Variants in COL5A2 observed in about 807,000 individuals in gnomAD.
COL5A2 encodes collagen type V alpha 2 chain, also known as collagen alpha-2(V) chain.
Under a neutral mutation model 208.2 loss-of-function variants are expected in COL5A2, and 23 were observed. That is an observed-to-expected ratio of 0.11 (90% confidence interval 0.08 to 0.16). COL5A2 has a LOEUF of 0.16. Ranked by LOEUF, COL5A2 falls within the 10% of genes least tolerant of loss-of-function variation. The pLI is 1.00. For synonymous variants in COL5A2, 625 were observed against 628.5 expected (o/e 0.99, Z 0.08); for missense variants, 1,590 against 1,956.4 (o/e 0.81, Z 3.53).
intron 7 of COL5A2, among the ~76,000 whole-genome samples, chr2:189,090,754 A>G (rs1007032822): frequency 2.6e-5 from 4 of 152,216 alleles, no homozygotes; most frequent in African/African-American, 7.2e-5. Flanking sequence ...GGCCTGGATA[A>G]CAGCACATCT....
At chr2:189,188,994 T>G (rs961512260) in intron 1 of COL5A2, among the ~76,000 whole-genome samples, 3 of 152,210 alleles carry the variant, frequency 2.0e-5, no homozygotes, top group African/African-American at 4.8e-5. Flanking sequence ...TTAATTCTGT[T>G]TTGCAGATTT....
At chr2:189,329,084 C>T in the COL5A2 span, among the ~76,000 whole-genome samples, 3 of 151,974 alleles carry the variant, frequency 2.0e-5, no homozygotes, top group African/African-American at 4.8e-5. Context: ...AAGTTTCCAT[C>T]GATGGGGAAG....
At chr2:189,058,756 T>C (rs1469370826) in intron 32 of COL5A2, 93 bp downstream of exon 32, 1 of 1,206,796 alleles carries the variant, frequency 8.3e-7, no homozygotes, top group Non-Finnish European at 1.2e-6. Flanking sequence ...AATTTATAGG[T>C]TAAAATAAAT....
intron 1 of COL5A2, among the ~76,000 whole-genome samples, chr2:189,209,058 T>C (rs777429282): frequency 4.6e-5 from 7 of 151,948 alleles, no homozygotes; most frequent in Non-Finnish European, 7.4e-5. Flanking sequence ...TTCATGGGGG[T>C]CTTTATTTTA....
chr2:189,439,209 A>G, the COL5A2 span, among the ~76,000 whole-genome samples: 1 of 152,222 alleles, frequency 6.6e-6, no homozygotes, highest in African/African-American at 2.4e-5. Context: ...CAAAAGTATA[A>G]TAAGTTTTTG....
rs1199481029 is a variant in COL5A2, at chr2:189,064,588, C to T, written c.1685G>A (p.Arg562His). 6 of 1,613,886 alleles carry T rather than the reference C, an allele frequency of 3.7e-6. No individual in the cohort carries two copies. The highest frequency in any genetic ancestry group is 1.3e-5 in the African/African-American group (1 of 75,012). Residue 562 changes from arginine to histidine, a missense_variant, in exon 25 of 54, where the codon CGT (arginine) becomes CAT (histidine). Transcript: ENST00000374866. ...GPKGSQGDPGRPGEPGLPGAR... is the reference protein window; with the variant it reads ...GPKGSQGDPGHPGEPGLPGAR... ...ACCTGGAAGCCCAGGTTCCCCTGGA[C>T]GTCCTGGATCCCCCTGGCTTCCTTT...
chr2:189,088,640 T>C, intron 8 of COL5A2, 55 bp downstream of exon 8: 3 of 1,355,286 alleles, frequency 2.2e-6, no homozygotes, highest in Non-Finnish European at 3.2e-6. Context: ...GATTCTCTTT[T>C]TAAAATAATT....
At chr2:189,201,697 AG>A (rs1397718448) in intron 1 of COL5A2, among the ~76,000 whole-genome samples, 3 of 152,086 alleles carry the variant, frequency 2.0e-5, no homozygotes, top group Non-Finnish European at 4.4e-5. Flanking sequence ...TCAAAGACAA[AG>A]CATTACAAAA....
the COL5A2 span, among the ~76,000 whole-genome samples, chr2:189,321,095 C>A: frequency 6.6e-6 from 1 of 152,102 alleles, no homozygotes; most frequent in Non-Finnish European, 1.5e-5. Flanking sequence ...GAAATAAAAT[C>A]CTTTATAGAC....
chr2:189,431,297 T>C, the COL5A2 span, among the ~76,000 whole-genome samples: 1 of 152,124 alleles, frequency 6.6e-6, no homozygotes, highest in Non-Finnish European at 1.5e-5. Flanking sequence ...CTCCAAAGGA[T>C]CGCAGCTCCT....
the COL5A2 span, among the ~76,000 whole-genome samples, chr2:189,304,337 G>C: frequency 6.6e-6 from 1 of 152,090 alleles, no homozygotes; most frequent in Non-Finnish European, 1.5e-5. Flanking sequence ...ATTAGTAATA[G>C]TGATACAGAT....
At chr2:189,051,560 T>G in intron 41 of COL5A2, 79 bp from the exon 42 acceptor site, 4 of 1,327,560 alleles carry the variant, frequency 3.0e-6, no homozygotes, top group Non-Finnish European at 4.0e-6. Context: ...GCTGTCTGCC[T>G]CAGATGCAGA....
rs1341543302 is a variant in COL5A2 at position 189,066,276 on chromosome 2, T to C, written c.1563+114A>G. The C allele has an allele frequency of 4.0e-6, 4 of 989,510 alleles. No individual in the cohort carries two copies. The East Asian group carries it at 9.5e-5, about 24-fold the overall frequency. The allele number at this position is 989,510 out of a possible 1,614,324, so 61.3% of individuals were successfully genotyped here. On this transcript the variant is annotated intron_variant, in intron 23 of 53. Coordinates refer to ENST00000374866, the MANE Select transcript of COL5A2 (RefSeq NM_000393.5). ...ATTTGCACATAACTGTACTGAACTG[T>C]GCAGGGAACCTGCAAGCATTTCTCT...
chr2:189,320,416 G>A, the COL5A2 span, among the ~76,000 whole-genome samples: 1 of 152,062 alleles, frequency 6.6e-6, no homozygotes, highest in South Asian at 2.1e-4. Flanking sequence ...TAAAAACCTT[G>A]AAAAAAGATT....
the COL5A2 span, among the ~76,000 whole-genome samples, chr2:189,232,613 T>G: frequency 6.6e-6 from 1 of 151,704 alleles, no homozygotes; most frequent in Non-Finnish European, 1.5e-5. Context: ...AGACTGAATG[T>G]TTATGTCCCC....
chr2:189,138,892 A>G (rs1290005332), intron 1 of COL5A2, among the ~76,000 whole-genome samples: 2 of 152,238 alleles, frequency 1.3e-5, no homozygotes, highest in South Asian at 2.1e-4. Flanking sequence ...CGATGTAAAT[A>G]CATACAAAAT....
At chr2:189,146,664 A>T (rs1158983865) in intron 1 of COL5A2, among the ~76,000 whole-genome samples, 1 of 152,178 alleles carries the variant, frequency 6.6e-6, no homozygotes, top group East Asian at 1.9e-4. Context: ...AGAAGTAAAA[A>T]GAAATAGTTT....
At chr2:189,396,794 A>T in the COL5A2 span, among the ~76,000 whole-genome samples, 2 of 151,798 alleles carry the variant, frequency 1.3e-5, no homozygotes, top group Admixed American at 1.3e-4. Context: ...GGAGTTTGAG[A>T]CCAATCTGAC....
chr2:189,338,564 AC>A, the COL5A2 span, among the ~76,000 whole-genome samples: 3 of 151,840 alleles, frequency 2.0e-5, no homozygotes, highest in East Asian at 5.8e-4. Flanking sequence ...ATAATAAAAT[AC>A]CTGGTTCTTA....
Sources: allele counts gnomAD v4.1 joint callset (sites outside exome capture counted in the v4.1 genomes callset), GRCh38; gene constraint gnomAD v4.1.1; transcripts MANE v1.5; gene names NCBI Gene and HGNC (gene_info 2026-07-23, HGNC 2026-07-21).